The following DUSP8 variants were observed in gnomAD, a reference collection of about 807,000 sequenced individuals.
DUSP8 encodes dual specificity phosphatase 8.
Under a neutral mutation model 38.7 loss-of-function variants are expected in DUSP8, and 15 were observed. The observed-to-expected ratio is 0.39, with a 90% CI of 0.26 to 0.60. The LOEUF (loss-of-function observed/expected upper bound fraction) is 0.60. DUSP8 is among the 20% of genes least tolerant of loss of function. DUSP8 has a pLI of 0.56. For missense variants in DUSP8, 768 were observed against 915.0 expected, an observed-to-expected ratio of 0.84 and a Z score of 2.07; for synonymous variants, 458 against 433.9, an observed-to-expected ratio of 1.06 and a Z score of -0.69.
At chr11:1,565,521 T>G in intron 2 of DUSP8, 75 bp downstream of exon 2, 1 of 1,196,530 alleles carries the variant, frequency 8.4e-7, no homozygotes, top group Non-Finnish European at 1.2e-6. Context: ...AGGAGGGGGG[T>G]GCTGCCCGAG....
Position 1,557,078 on chromosome 11 carries a change from GGCTGGGCGA to G in DUSP8, c.1309_1317del (p.Ser437_Ser439del), listed in dbSNP as rs556454253. The G allele has an allele frequency of 3.1e-6, 4 of 1,271,040 alleles. No homozygotes were observed. Among genetic ancestry groups the G allele is most frequent in the East Asian group, 7.0e-5 (2 of 28,720 alleles). 78.7% of individuals were successfully genotyped at this position (1,271,040 alleles called of 1,614,324 possible). On this transcript the variant is annotated inframe_deletion, in exon 7 of 7. Coordinates refer to ENST00000397374, the MANE Select transcript of DUSP8 (RefSeq NM_004420.3). The surrounding 1 kb of genome is among the most constrained non-coding windows in gnomAD (Gnocchi z 9.9). Reference sequence around the variant, plus strand: ...TCAGGCGCGGCGTCCGGGCTGTCCGGGCTGGGCGAGGACAGGCCCAGCGCGGCCCCCGAC... The same window carrying G: ...TCAGGCGCGGCGTCCGGGCTGTCCGGGGACAGGCCCAGCGCGGCCCCCGAC...
intron 3 of DUSP8, 26 bp downstream of exon 3, chr11:1,563,825 C>T (rs778416111): frequency 6.2e-6 from 9 of 1,452,202 alleles, no homozygotes; most frequent in African/African-American, 2.9e-5. Context: ...GCAAGTGCCT[C>T]GGGGAGGCGT....
At chr11:1,565,996 C>T (rs1209315511) in intron 1 of DUSP8, 62 bp from the exon 2 acceptor site, 1 of 610,784 alleles carries the variant, frequency 1.6e-6, no homozygotes, top group African/African-American at 1.8e-5. Flanking sequence ...CAGAAGCTCC[C>T]CAGGACAGAT....
intron 3 of DUSP8, among the ~76,000 whole-genome samples, chr11:1,563,245 G>A (rs886649502): frequency 1.3e-5 from 2 of 152,182 alleles, no homozygotes; most frequent in Middle Eastern, 6.3e-3. Flanking sequence ...CCCAGGAGGT[G>A]GATTCTACAG....
chr11:1,562,691 G>GCACACA (rs35314980), intron 3 of DUSP8, among the ~76,000 whole-genome samples: 3 of 150,856 alleles, frequency 2.0e-5, no homozygotes, highest in Non-Finnish European at 2.9e-5. Context: ...GCATGCACAT[G>GCACACA]CACACACACA....
chr11:1,558,666 C>T lies in DUSP8; in HGVS notation c.537+223G>A, dbSNP rs567714233. On this transcript the variant is annotated intron_variant, in intron 4 of 6. Coordinates refer to ENST00000397374, the MANE Select transcript of DUSP8 (RefSeq NM_004420.3). This position sits in a 1 kb window ranked among gnomAD's most constrained non-coding sequence, Gnocchi z 6.3. ...GCATGCCAGCTCCCCGCTCCTCCCC[C>T]GAGCCCTGCCGGGCCCTCCCGCAAG... Among the ~76,000 whole-genome samples the T allele has an allele frequency of 1.3e-5, 2 of 152,280 alleles. No individual in the cohort carries two copies. Among genetic ancestry groups the T allele is most frequent in the Non-Finnish European group, 2.9e-5 (2 of 67,998 alleles).
intron 1 of DUSP8, among the ~76,000 whole-genome samples, chr11:1,566,362 C>T (rs1348401002): frequency 2.0e-5 from 3 of 152,242 alleles, no homozygotes; most frequent in Middle Eastern, 3.4e-3. Context: ...TGCCCTCCTC[C>T]GGGCTTGCTG....
At position 1,556,991 on chromosome 11, in the gene DUSP8, C is replaced by A; in HGVS notation, c.1405G>T (p.Ala469Ser). 1 of 1,023,334 alleles carries A rather than the reference C, an allele frequency of 9.8e-7. No individual in the cohort carries two copies. The highest frequency in any genetic ancestry group is 1.2e-6 in the Non-Finnish European group (1 of 857,486). The allele number at this position is 1,023,334 out of a possible 1,614,324, so 63.4% of individuals were successfully genotyped here. ...CCGAAGTTCAGGCCGAGGCTGTGCG[C>A]GGGGGAGCGCGCGGGGGAGCCGGCG... ...PPAGSPARSP[A>S]HSLGLNFGDA... is the part of the protein sequence containing the mutation. Residue 469 changes from alanine to serine, a missense_variant, in exon 7 of 7, where the codon GCG becomes TCG. Transcript: ENST00000397374. The surrounding 1 kb of genome is among the most constrained non-coding windows in gnomAD (Gnocchi z 5.2).
intron 2 of DUSP8, among the ~76,000 whole-genome samples, chr11:1,565,035 C>T (rs760861131): frequency 3.9e-5 from 6 of 152,230 alleles, no homozygotes; most frequent in African/African-American, 7.2e-5. Context: ...GCTGTCCTTC[C>T]CCAGAAGGAC....
Position 1,557,658 on chromosome 11 carries a change from T to C in DUSP8, c.822-84A>G, listed in dbSNP as rs1848657396. The C allele has an allele frequency of 3.2e-6, 5 of 1,539,832 alleles. No individual in the cohort carries two copies. The Admixed American group carries it at 9.5e-5, about 29-fold the overall frequency. On this transcript the variant is annotated intron_variant, in intron 6 of 6. Transcript: ENST00000397374. The surrounding 1 kb of genome is among the most constrained non-coding windows in gnomAD (Gnocchi z 9.9). ...CACCCGCTGGGCACCCACGAGCTCA[T>C]GTGCGCCAGGCTGGTCTCAGGCCCT... is the stretch of plus-strand genomic sequence containing the variant.
chr11:1,572,645 C>G (rs61869695), upstream of DUSP8: 78,173 of 150,958 alleles, frequency 0.52, 20,619 homozygotes, highest in Non-Finnish European at 0.54. This position sits in a 1 kb window ranked among gnomAD's most constrained non-coding sequence, Gnocchi z 4.7. Flanking sequence ...CGGCTCCGGG[C>G]GCGAAGTCCT....
intron 1 of DUSP8, among the ~76,000 whole-genome samples, chr11:1,568,006 A>T (rs528718284): frequency 1.3e-5 from 2 of 152,304 alleles, no homozygotes; most frequent in Non-Finnish European, 2.9e-5. Context: ...CTGGTGAGAC[A>T]GCGGCTCCAG....
At chr11:1,564,100 C>A (rs936580370) in intron 2 of DUSP8, 111 bp from the exon 3 acceptor site, 8 of 1,296,202 alleles carry the variant, frequency 6.2e-6, no homozygotes, top group Non-Finnish European at 7.0e-6. Flanking sequence ...TGATGGGAGG[C>A]AGGCAGCTGT....
chr11:1,563,872 C>A lies in DUSP8; in HGVS notation c.349G>T (p.Asp117Tyr). ...TCACCAGTGAGGATGGCCACGCTGT[C>A]GAAGCAGCCGTCCAGCTTGCTCAGC... ...ILLSKLDGCF[D>Y]SVAILTGGFA... Residue 117 changes from aspartate (D) to tyrosine (Y), a missense_variant, in exon 3 of 7, where the codon GAC becomes TAC. Physicochemically the swap from Asp to Tyr is radical, Grantham distance 160 (BLOSUM62 -3). Coordinates refer to ENST00000397374, the MANE Select transcript of DUSP8 (RefSeq NM_004420.3). 1 of 1,541,798 alleles carries A rather than the reference C, an allele frequency of 6.5e-7. No individual in the cohort carries two copies. Among genetic ancestry groups the A allele is most frequent in the Non-Finnish European group, 8.8e-7 (1 of 1,142,804 alleles).
intron 3 of DUSP8, among the ~76,000 whole-genome samples, chr11:1,563,476 C>T (rs1487858456): frequency 6.6e-6 from 1 of 152,058 alleles, no homozygotes; most frequent in Non-Finnish European, 1.5e-5. Flanking sequence ...AGGCAACCTG[C>T]ACTCAGCTGG....
Position 1,557,308 on chromosome 11 carries a change from G to A in DUSP8, c.1088C>T (p.Thr363Met), listed in dbSNP as rs773490281. The A allele has an allele frequency of 1.0e-5, 15 of 1,478,766 alleles. No individual in the cohort carries two copies. Among genetic ancestry groups the A allele is most frequent in the African/African-American group, 1.5e-5 (1 of 68,028 alleles). The allele number at this position is 1,478,766 out of a possible 1,614,324, so 91.6% of individuals were successfully genotyped here. The change falls in exon 7 of 7, where the codon ACG becomes ATG. Residue 363 changes from threonine to methionine, a missense_variant. This residue lies in a region of DUSP8 where 474 missense variants were observed against 430.8 expected (regional missense o/e 1.10). Transcript: ENST00000397374. The surrounding 1 kb of genome is among the most constrained non-coding windows in gnomAD (Gnocchi z 9.9). ...CTGCAGTGCGCTGGTCGCCGGGGGC[G>A]TGGGGGGCGCGGGGGGCTCCCCGCC... ...SAGGEPPAPP[T>M]PPATSALQQG...
At chr11:1,565,312 T>A (rs1848784923) in intron 2 of DUSP8, among the ~76,000 whole-genome samples, 1 of 151,944 alleles carries the variant, frequency 6.6e-6, no homozygotes, top group African/African-American at 2.4e-5. Flanking sequence ...CCTATCTGCG[T>A]GGGGAGGGCC....
chr11:1,560,505 G>C (rs924501235), intron 3 of DUSP8, among the ~76,000 whole-genome samples: 2 of 152,184 alleles, frequency 1.3e-5, no homozygotes, highest in African/African-American at 4.8e-5. Flanking sequence ...CGTGACGCTG[G>C]GGGACTGTGG....
rs1442626485 is a variant in DUSP8, at chr11:1,558,618, G to C, written c.537+271C>G. The stretch of plus-strand genomic sequence containing the variant: ...TGGGATTCTTTCAGAGCTGGCCAGA[G>C]GCCCAGTGACATCCGCAGCTTGGCA... On this transcript the variant is annotated intron_variant, in intron 4 of 6. Transcript: ENST00000397374. The surrounding 1 kb of genome is among the most constrained non-coding windows in gnomAD (Gnocchi z 6.3). Among the ~76,000 whole-genome samples, 1 of 152,276 alleles carries C rather than the reference G, an allele frequency of 6.6e-6. No homozygotes were observed. The highest frequency in any genetic ancestry group is 2.1e-4 in the South Asian group (1 of 4,826).
Sources: gnomAD v4.1 joint callset for allele counts (sites outside exome capture counted in the v4.1 genomes callset) on GRCh38, gnomAD v4.1.1 for gene constraint, gnomAD v4.1.1 regional missense constraint, Gnocchi (gnomAD v3.1) non-coding constraint, MANE v1.5 for transcripts, NCBI Gene and HGNC (gene_info 2026-07-23, HGNC 2026-07-21) for gene names.